Variants in UGGT2 observed in about 807,000 individuals in gnomAD.
UGGT2 encodes UDP-glucose:glycoprotein glucosyltransferase 2.
Under a neutral mutation model 192.1 loss-of-function variants are expected in UGGT2, and 180 were observed. That is an observed-to-expected ratio of 0.94 (90% CI 0.83 to 1.06). The LOEUF is 1.06. Among genes scored for constraint, UGGT2 ranks in the 50% least tolerant of loss-of-function variants. UGGT2 has a pLI of 0.00. For missense variants in UGGT2, 1,849 were observed against 1,795.7 expected (o/e 1.03, Z -0.54); for synonymous variants, 580 against 591.0 (o/e 0.98, Z 0.27).
At chr13:95,829,692 C>T (rs893518840) in intron 38 of UGGT2, among the ~76,000 whole-genome samples, 9 of 152,202 alleles carry the variant, frequency 5.9e-5, no homozygotes, top group African/African-American at 1.2e-4. Context: ...AATGGAAGAA[C>T]ATTCCATGCT....
At chr13:95,912,997 C>T (rs1352279541) in intron 20 of UGGT2, among the ~76,000 whole-genome samples, 3 of 152,156 alleles carry the variant, frequency 2.0e-5, no homozygotes, top group Non-Finnish European at 4.4e-5. Context: ...AAAGGATTCC[C>T]TATTTAATAA....
chr13:95,923,487 G>A (rs1169066629), intron 20 of UGGT2, among the ~76,000 whole-genome samples: 1 of 151,194 alleles, frequency 6.6e-6, no homozygotes, highest in Non-Finnish European at 1.5e-5. Context: ...TCCTGCCTCA[G>A]CCTCGCCAGT....
intron 25 of UGGT2, among the ~76,000 whole-genome samples, chr13:95,888,448 T>C (rs1018924788): frequency 1.1e-4 from 17 of 152,204 alleles, no homozygotes; most frequent in Admixed American, 6.5e-4. Context: ...AATTACTAAT[T>C]TTGATAGTCC....
intron 12 of UGGT2, among the ~76,000 whole-genome samples, chr13:95,959,105 C>T (rs1413727991): frequency 1.3e-5 from 2 of 152,304 alleles, no homozygotes; most frequent in South Asian, 2.1e-4. Flanking sequence ...TAACAGCCCC[C>T]GCATCTCCAT....
chr13:96,035,430 T>G (rs1372746422), intron 1 of UGGT2, among the ~76,000 whole-genome samples: 5 of 152,208 alleles, frequency 3.3e-5, no homozygotes. Context: ...ATTAGAGACT[T>G]AAATGTAAAA....
chr13:95,907,006 C>T (rs1363772248), intron 20 of UGGT2, among the ~76,000 whole-genome samples: 1 of 152,172 alleles, frequency 6.6e-6, no homozygotes, highest in Non-Finnish European at 1.5e-5. Flanking sequence ...CCTTTCCTAG[C>T]CAAGGGAAGG....
intron 17 of UGGT2, among the ~76,000 whole-genome samples, chr13:95,931,438 C>G (rs2140473205): frequency 6.6e-6 from 1 of 152,268 alleles, no homozygotes. Flanking sequence ...CTTGCACCGG[C>G]ACTCCTCAGC....
chr13:95,907,937 T>TA (rs1350797597), intron 20 of UGGT2, among the ~76,000 whole-genome samples: 1 of 152,144 alleles, frequency 6.6e-6, no homozygotes, highest in Non-Finnish European at 1.5e-5. Flanking sequence ...AGGTTGGTAA[T>TA]AACAAACTTC....
intron 12 of UGGT2, among the ~76,000 whole-genome samples, chr13:95,962,302 A>G (rs184045357): frequency 6.6e-6 from 1 of 152,236 alleles, no homozygotes; most frequent in African/African-American, 2.4e-5. Context: ...TTTTTTGAAA[A>G]GATAAACCAC....
chr13:96,002,696 C>T (rs1004079884), intron 5 of UGGT2, among the ~76,000 whole-genome samples: 25 of 152,112 alleles, frequency 1.6e-4, no homozygotes, highest in African/African-American at 6.0e-4. Flanking sequence ...CAATAACTAA[C>T]TCAAAATTAT....
At chr13:95,963,678 CAATAA>C (rs1205112680) in intron 12 of UGGT2, among the ~76,000 whole-genome samples, 1 of 151,980 alleles carries the variant, frequency 6.6e-6, no homozygotes, top group African/African-American at 2.4e-5. Flanking sequence ...CTGATAAATT[CAATAA>C]AGTTGCAGGA....
intron 1 of UGGT2, among the ~76,000 whole-genome samples, chr13:96,044,670 C>G (rs1192893127): frequency 6.6e-6 from 1 of 152,084 alleles, no homozygotes; most frequent in Admixed American, 6.6e-5. Flanking sequence ...GGAGCTATTA[C>G]AACTGACACC....
intron 12 of UGGT2, among the ~76,000 whole-genome samples, chr13:95,949,804 C>T (rs1244493044): frequency 1.3e-5 from 2 of 152,100 alleles, no homozygotes; most frequent in Admixed American, 1.3e-4. Flanking sequence ...CTCTCCACCT[C>T]CCCTCTCAAT....
intron 24 of UGGT2, among the ~76,000 whole-genome samples, chr13:95,893,052 T>C (rs569021588): frequency 6.6e-6 from 1 of 152,194 alleles, no homozygotes; most frequent in Non-Finnish European, 1.5e-5. Context: ...AATATAGAGA[T>C]CTTTCAGGGC....
chr13:95,933,073 C>A (rs2049341439), intron 17 of UGGT2, among the ~76,000 whole-genome samples: 1 of 152,104 alleles, frequency 6.6e-6, no homozygotes, highest in Admixed American at 6.5e-5. Context: ...GTTTTGGTAT[C>A]AGGATAACAC....
intron 38 of UGGT2, among the ~76,000 whole-genome samples, chr13:95,820,868 T>C (rs931177736): frequency 6.6e-6 from 1 of 152,146 alleles, no homozygotes; most frequent in African/African-American, 2.4e-5. Flanking sequence ...GACTTTCCAT[T>C]CCGGAATTAC....
chr13:95,849,426 C>T (rs1269906011), intron 36 of UGGT2, among the ~76,000 whole-genome samples: 3 of 151,704 alleles, frequency 2.0e-5, no homozygotes, highest in African/African-American at 4.8e-5. Flanking sequence ...GCCTGTAGTC[C>T]CAGCTACTCA....
intron 29 of UGGT2, among the ~76,000 whole-genome samples, chr13:95,875,121 C>T (rs1424485470): frequency 6.6e-6 from 1 of 152,108 alleles, no homozygotes; most frequent in Non-Finnish European, 1.5e-5. Flanking sequence ...TATCGTCATT[C>T]TTTTTATAAA....
intron 5 of UGGT2, among the ~76,000 whole-genome samples, chr13:96,009,567 TG>T (rs1382725039): frequency 6.6e-6 from 1 of 152,166 alleles, no homozygotes; most frequent in African/African-American, 2.4e-5. Context: ...CCCAGCACTT[TG>T]GGGGGCTGAG....
Sources: allele counts gnomAD v4.1 joint callset (sites outside exome capture counted in the v4.1 genomes callset), GRCh38; gene constraint gnomAD v4.1.1; transcripts MANE v1.5; gene names NCBI Gene and HGNC (gene_info 2026-07-23, HGNC 2026-07-21).